Variants in PLAA observed in about 807,000 individuals in gnomAD.
PLAA encodes the protein phospholipase A-2-activating protein.
In PLAA, 48 loss-of-function variants were observed where a neutral mutation model predicts 84.1. The observed-to-expected ratio is 0.57, with a 90% CI of 0.45 to 0.73. The LOEUF (loss-of-function observed/expected upper bound fraction) is 0.73. Ranked by LOEUF, PLAA falls within the 30% of genes least tolerant of loss-of-function variation. The pLI is 0.00. For synonymous variants in PLAA, 392 were observed against 336.6 expected, an observed-to-expected ratio of 1.16 and a Z score of -1.80; for missense variants, 903 against 954.7, an observed-to-expected ratio of 0.95 and a Z score of 0.71.
chr9:26,942,249 AAAG>A (rs1825566069), intron 1 of PLAA, among the ~76,000 whole-genome samples: 1 of 152,246 alleles, frequency 6.6e-6, no homozygotes, highest in Non-Finnish European at 1.5e-5. Context: ...AGAGAAAGCT[AAAG>A]GATACTGACA....
intron 11 of PLAA, 109 bp from the exon 12 acceptor site, chr9:26,910,548 T>C (rs1403002690): frequency 3.1e-6 from 2 of 645,796 alleles, no homozygotes; most frequent in South Asian, 2.6e-5. Context: ...AACTATTCAG[T>C]GCGTGCAATA....
At chr9:26,943,723 G>T (rs1052331247) in intron 1 of PLAA, among the ~76,000 whole-genome samples, 1 of 152,020 alleles carries the variant, frequency 6.6e-6, no homozygotes, top group Non-Finnish European at 1.5e-5. Context: ...GAGGCAGGAG[G>T]ATTGCTTAAG....
At chr9:26,946,024 T>C (rs1346223008) in intron 1 of PLAA, among the ~76,000 whole-genome samples, 1 of 152,208 alleles carries the variant, frequency 6.6e-6, no homozygotes, top group Non-Finnish European at 1.5e-5. Context: ...TTGTCTGTCT[T>C]TATTCCTCTC....
At chr9:26,928,433 A>G in intron 2 of PLAA, 25 bp from the exon 3 acceptor site, 1 of 1,425,538 alleles carries the variant, frequency 7.0e-7, no homozygotes, top group Non-Finnish European at 9.9e-7. Context: ...TCATTGGATA[A>G]CACATTTTCA....
chr9:26,907,682 A>AGT, intron 13 of PLAA, 152 bp downstream of exon 13: 1 of 598,288 alleles, frequency 1.7e-6, no homozygotes, highest in East Asian at 3.1e-5. Flanking sequence ...CAATTCCAGT[A>AGT]GTGTAGTGAA....
chr9:26,946,591 T>C (rs112866467), intron 1 of PLAA, among the ~76,000 whole-genome samples: 5,035 of 151,716 alleles, frequency 0.033, 280 homozygotes, highest in African/African-American at 0.11. Flanking sequence ...TCAGTAAATT[T>C]TCAAGTCTAA....
In PLAA at chr9:26,910,334, T is replaced by C. The variant is rs1164105744; in HGVS notation, c.1657+4A>G. On this transcript the variant is annotated splice_donor_region_variant and intron_variant, in intron 12 of 13. Transcript: ENST00000397292. ...ATGTGAATAAATTAATTAAAGAAACTTACCTAATATTTGTGTAGGGTTTGC... is the reference window on the plus strand; with the variant it reads ...ATGTGAATAAATTAATTAAAGAAACCTACCTAATATTTGTGTAGGGTTTGC... 6.3e-7 allele frequency: 1 copy of C among 1,589,770 alleles called. No homozygotes were observed. The highest frequency in any genetic ancestry group is 1.7e-5 in the Admixed American group (1 of 59,964).
intron 2 of PLAA, among the ~76,000 whole-genome samples, chr9:26,932,551 T>C (rs994426650): frequency 2.0e-5 from 3 of 152,218 alleles, no homozygotes; most frequent in African/African-American, 4.8e-5. Context: ...AGAGCAACCA[T>C]ATGGCCTGAA....
chr9:26,927,958 C>G (rs1346696447), intron 4 of PLAA, 142 bp downstream of exon 4: 1 of 925,268 alleles, frequency 1.1e-6, no homozygotes, highest in Non-Finnish European at 1.6e-6. Flanking sequence ...ATTAACTCAT[C>G]AGAAAAATTA....
intron 7 of PLAA, among the ~76,000 whole-genome samples, chr9:26,921,750 T>C (rs1270056354): frequency 6.6e-6 from 1 of 152,344 alleles, no homozygotes; most frequent in South Asian, 2.1e-4. Context: ...ACTAGTCATA[T>C]GGAAAATAAT....
intron 9 of PLAA, among the ~76,000 whole-genome samples, 163 bp from the exon 10 acceptor site, chr9:26,917,328 G>T (rs1250270500): frequency 6.6e-6 from 1 of 152,018 alleles, no homozygotes; most frequent in African/African-American, 2.4e-5. Context: ...CTTATAACTG[G>T]GAAAAAACTG....
In PLAA at chr9:26,925,830, A is replaced by T. The variant is rs1027090177; in HGVS notation, c.864T>A (p.Gly288=). 1.2e-6 allele frequency: 2 copies of T among 1,613,856 alleles called. No homozygotes were observed. Among genetic ancestry groups the T allele is most frequent in the Non-Finnish European group, 1.7e-6 (2 of 1,179,868 alleles). ...ATTGACTAGAATATAAATACCTCGC[A>T]CCAACCACAATGTCACCATTGTCGA... The part of the protein sequence containing the change: ...CVLDNGDIVV[G]ASDGIIRVFT... Residue 288 remains glycine (G), a synonymous_variant, in exon 6 of 14, where the codon GGT becomes GGA. Coordinates refer to ENST00000397292, the MANE Select transcript of PLAA (RefSeq NM_001031689.3).
At chr9:26,936,204 T>C (rs1332089339) in intron 1 of PLAA, among the ~76,000 whole-genome samples, 1 of 151,966 alleles carries the variant, frequency 6.6e-6, no homozygotes. Context: ...TAAATACTTA[T>C]GTTTTTTAAT....
At chr9:26,920,525 G>A in intron 7 of PLAA, 141 bp from the exon 8 acceptor site, 2 of 538,020 alleles carry the variant, frequency 3.7e-6, no homozygotes, top group Admixed American at 3.5e-5. Context: ...TCAAATAAAA[G>A]ATTTAAAAAT....
In PLAA at chr9:26,944,178, T is replaced by G. The variant is rs1825621069; in HGVS notation, c.149+2719A>C. ...AGCAAGTTTGGCCCCTCTGCGCCTC[T>G]TGCTGTGTGCTCTCCTACCCTTCCA... On this transcript the variant is annotated intron_variant, in intron 1 of 13. Coordinates refer to ENST00000397292, the MANE Select transcript of PLAA (RefSeq NM_001031689.3). 2.6e-5 allele frequency among the ~76,000 whole-genome samples: 4 copies of G among 152,190 alleles called. No individual in the cohort carries two copies. The South Asian group carries it at 6.2e-4, about 24-fold the overall frequency.
intron 11 of PLAA, among the ~76,000 whole-genome samples, chr9:26,910,807 G>C (rs1407971249): frequency 6.6e-6 from 1 of 151,916 alleles, no homozygotes; most frequent in Non-Finnish European, 1.5e-5. Context: ...ACAGGTGTGA[G>C]CCACCGAGCC....
intron 1 of PLAA, among the ~76,000 whole-genome samples, chr9:26,942,737 CCGGGCGCCGTGG>C (rs1229222840): frequency 2.0e-5 from 3 of 152,002 alleles, no homozygotes; most frequent in African/African-American, 7.2e-5. Context: ...AAAAAATTAG[CCGGGCGCCGTGG>C]CGGGCGCCTA....
chr9:26,921,798 C>T (rs1824770328), intron 7 of PLAA, among the ~76,000 whole-genome samples: 1 of 152,120 alleles, frequency 6.6e-6, no homozygotes, highest in Non-Finnish European at 1.5e-5. Context: ...CATATTCATA[C>T]AGTTTATTAT....
chr9:26,911,183 C>A (rs924581745), intron 11 of PLAA, among the ~76,000 whole-genome samples: 1 of 151,972 alleles, frequency 6.6e-6, no homozygotes, highest in Non-Finnish European at 1.5e-5. Context: ...GACAGAGTCA[C>A]GCTCTGTTGC....
Sources: gnomAD v4.1 joint callset for allele counts (sites outside exome capture counted in the v4.1 genomes callset) on GRCh38, gnomAD v4.1.1 for gene constraint, MANE v1.5 for transcripts, NCBI Gene and HGNC (gene_info 2026-07-23, HGNC 2026-07-21) for gene names.